Variants in ZNF687 observed in about 807,000 individuals in gnomAD.
The protein encoded by ZNF687 is zinc finger protein 687.
In ZNF687, 13 loss-of-function variants were observed where a neutral mutation model predicts 71.8. That is an observed-to-expected ratio of 0.18 (90% CI 0.12 to 0.29). The LOEUF (loss-of-function observed/expected upper bound fraction) is 0.29. Ranked by LOEUF, ZNF687 falls within the 10% of genes least tolerant of loss-of-function variation. The pLI is 1.00. For missense variants in ZNF687, 1,412 were observed against 1,625.6 expected (o/e 0.87, Z 2.26); for synonymous variants, 673 against 641.6 (o/e 1.05, Z -0.74).
Position 151,287,414 on chromosome 1 carries a change from C to G in ZNF687, c.1123C>G (p.Pro375Ala). 2 of 1,614,186 alleles carry G rather than the reference C, an allele frequency of 1.2e-6. No homozygotes were observed. Among genetic ancestry groups the G allele is most frequent in the Non-Finnish European group, 1.7e-6 (2 of 1,180,048 alleles). The change falls in exon 2 of 9, where the codon CCT (proline) becomes GCT (alanine). Residue 375 changes from proline (P) to alanine (A), a missense_variant. Physicochemically the swap from Pro to Ala is conservative, Grantham distance 27 (BLOSUM62 -1). This residue lies in a region of ZNF687 where 490 missense variants were observed against 489.9 expected (regional missense o/e 1.00). Transcript: ENST00000336715. This position sits in a 1 kb window ranked among gnomAD's most constrained non-coding sequence, Gnocchi z 5.0. ...LAEASLLKLS[P>A]ATPTSEGPKV... is the part of the protein sequence containing the mutation. ...TGAGGCTAGCCTCTTGAAGCTGTCC[C>G]CTGCAACACCTACTTCTGAGGGTCC...
At position 151,286,343 on chromosome 1, in the gene ZNF687, A is replaced by G. The variant is rs1204614716; in HGVS notation, c.52A>G (p.Ile18Val). The G allele has an allele frequency of 1.3e-6, 2 of 1,596,724 alleles. No homozygotes were observed. The change falls in exon 2 of 9, where the codon ATC (isoleucine) becomes GTC (valine). Residue 18 changes from isoleucine (I) to valine (V), a missense_variant. Coordinates refer to ENST00000336715, the MANE Select transcript of ZNF687 (RefSeq NM_020832.3). ...DFDDLLAAFD[I>V]PDIDANEAIH... Reference sequence around the variant, plus strand: ...TGATGACCTCCTTGCTGCCTTTGACATCCCTGACATTGATGCGAATGAAGC... The same window carrying G: ...TGATGACCTCCTTGCTGCCTTTGACGTCCCTGACATTGATGCGAATGAAGC...
upstream of ZNF687, chr1:151,281,567 C>T (rs1418816893): frequency 2.1e-6 from 1 of 471,246 alleles, no homozygotes; most frequent in South Asian, 1.5e-5. Context: ...TCCTTCCATG[C>T]TCCAAATCCC....
chr1:151,281,637 G>A (rs1557764177), upstream of ZNF687: 2 of 470,218 alleles, frequency 4.3e-6, no homozygotes, highest in Non-Finnish European at 8.8e-6. Flanking sequence ...TCGCCCAGGA[G>A]CTGAACCGCG....
intron 1 of ZNF687, chr1:151,283,161 A>G: frequency 1.0e-6 from 1 of 985,262 alleles, no homozygotes; most frequent in Non-Finnish European, 1.2e-6. Flanking sequence ...TCTCATGTGT[A>G]CACCCCGCCC....
In ZNF687 at chr1:151,289,127, T is replaced by G; in HGVS notation, c.2327T>G (p.Val776Gly). The change falls in exon 4 of 9, where the codon GTG becomes GGG. Residue 776 changes from valine (V) to glycine (G), a missense_variant. Coordinates refer to ENST00000336715, the MANE Select transcript of ZNF687 (RefSeq NM_020832.3). Reference protein sequence around the residue: ...CPSCSVVFGGVNSIKSHIQTS... With the variant: ...CPSCSVVFGGGNSIKSHIQTS... Reference sequence around the variant, plus strand: ...AGCTGTTCAGTGGTGTTTGGGGGTGTGAACTCCATCAAGTCCCACATCCAG... The same window carrying G: ...AGCTGTTCAGTGGTGTTTGGGGGTGGGAACTCCATCAAGTCCCACATCCAG... 6.2e-7 allele frequency: 1 copy of G among 1,614,174 alleles called. No homozygotes were observed. The highest frequency in any genetic ancestry group is 8.5e-7 in the Non-Finnish European group (1 of 1,180,026).
At position 151,286,387 on chromosome 1, in the gene ZNF687, A is replaced by G. The variant is rs1181388969; in HGVS notation, c.96A>G (p.Glu32=). Residue 32 remains glutamate (E), a synonymous_variant, in exon 2 of 9, where the codon GAA becomes GAG. Coordinates refer to ENST00000336715, the MANE Select transcript of ZNF687 (RefSeq NM_020832.3). ...ATGAAGCCATCCATTCTGGGCCAGAAGAAAATGAGGGGCCTGGAGGCCCAG... is the reference window on the plus strand; with the variant it reads ...ATGAAGCCATCCATTCTGGGCCAGAGGAAAATGAGGGGCCTGGAGGCCCAG... ...DANEAIHSGP[E]ENEGPGGPGK... 3.7e-6 allele frequency: 6 copies of G among 1,612,628 alleles called. No homozygotes were observed. Among genetic ancestry groups the G allele is most frequent in the Non-Finnish European group, 5.1e-6 (6 of 1,179,678 alleles).
upstream of ZNF687, chr1:151,281,950 G>T: frequency 1.3e-5 from 15 of 1,137,214 alleles, no homozygotes; most frequent in Non-Finnish European, 1.7e-5. Context: ...AGACGCACCT[G>T]GGTGCTCCCC....
Position 151,286,882 on chromosome 1 carries a change from T to C in ZNF687, c.591T>C (p.Ser197=). The change falls in exon 2 of 9, where the codon TCT becomes TCC. Residue 197 remains serine, a synonymous_variant. Coordinates refer to ENST00000336715, the MANE Select transcript of ZNF687 (RefSeq NM_020832.3). The part of the protein sequence containing the change: ...EGALTPPPFP[S]SFELAQENGP... Reference sequence around the variant, plus strand: ...CTCTGACCCCGCCTCCTTTCCCCTCTTCCTTTGAGCTGGCCCAGGAGAATG... The same window carrying C: ...CTCTGACCCCGCCTCCTTTCCCCTCCTCCTTTGAGCTGGCCCAGGAGAATG... 6.2e-7 allele frequency: 1 copy of C among 1,613,268 alleles called. No individual in the cohort carries two copies. The highest frequency in any genetic ancestry group is 8.5e-7 in the Non-Finnish European group (1 of 1,179,498).
chr1:151,282,473 C>T, intron 1 of ZNF687, 78 bp downstream of exon 1: 2 of 951,908 alleles, frequency 2.1e-6, no homozygotes, highest in Non-Finnish European at 2.5e-6. Flanking sequence ...CGCCCCTCCC[C>T]CACTTGGTCA....
intron 1 of ZNF687, among the ~76,000 whole-genome samples, chr1:151,283,540 A>C (rs1693817334): frequency 6.6e-6 from 1 of 151,380 alleles, no homozygotes; most frequent in South Asian, 2.1e-4. Flanking sequence ...CCTCTAAGTC[A>C]CTGGGGCACC....
At position 151,286,404 on chromosome 1, in the gene ZNF687, G is replaced by A; in HGVS notation, c.113G>A (p.Gly38Glu). 1 of 1,613,352 alleles carries A rather than the reference G, an allele frequency of 6.2e-7. No homozygotes were observed. The highest frequency in any genetic ancestry group is 2.2e-5 in the East Asian group (1 of 44,878). ...GGGCCAGAAGAAAATGAGGGGCCTG[G>A]AGGCCCAGGGAAGCCAGAACCAGGT... ...HSGPEENEGP[G>E]GPGKPEPGVG... The change falls in exon 2 of 9, where the codon GGA becomes GAA. Residue 38 changes from glycine (G) to glutamate (E), a missense_variant. Coordinates refer to ENST00000336715, the MANE Select transcript of ZNF687 (RefSeq NM_020832.3).
In ZNF687 at chr1:151,291,119, C is replaced by T. The variant is rs1259836315; in HGVS notation, c.3624C>T (p.Ser1208=). ...TGACCTGTAAGGTCTGTGGCAAGAG[C>T]TGCGACAGCCCTCTAAACCTCAAGA... ...GPLTCKVCGK[S]CDSPLNLKTH... Residue 1208 remains serine (S), a synonymous_variant, in exon 9 of 9, where the codon AGC becomes AGT. Coordinates refer to ENST00000336715, the MANE Select transcript of ZNF687 (RefSeq NM_020832.3). The T allele has an allele frequency of 6.2e-7, 1 of 1,613,414 alleles. No individual in the cohort carries two copies. Among genetic ancestry groups the T allele is most frequent in the South Asian group, 1.1e-5 (1 of 91,086 alleles).
Position 151,291,323 on chromosome 1 carries a change from G to T in ZNF687, c.*114G>T. ...TAACATTAATATTTTGTTAATTCCT[G>T]TCTCTCCAACCTGAAGAAGAAGAGC... On this transcript the variant is annotated 3_prime_UTR_variant, in exon 9 of 9. Transcript: ENST00000336715. 16 of 1,311,120 alleles carry T rather than the reference G, an allele frequency of 1.2e-5. No homozygotes were observed. Among genetic ancestry groups the T allele is most frequent in the Non-Finnish European group, 1.6e-5 (16 of 977,260 alleles). 81.2% of individuals were successfully genotyped at this position (1,311,120 alleles called of 1,614,324 possible).
chr1:151,284,177 A>AT, intron 1 of ZNF687: 2 of 985,244 alleles, frequency 2.0e-6, no homozygotes, highest in Non-Finnish European at 2.4e-6. Context: ...AGGGGATGGA[A>AT]TGGGGTGAGG....
In ZNF687 at chr1:151,287,404, G is replaced by T. The variant is rs756799143; in HGVS notation, c.1113G>T (p.Leu371Phe). Residue 371 changes from leucine to phenylalanine, a missense_variant, in exon 2 of 9, where the codon TTG becomes TTT. By Grantham distance (22) the Leu-to-Phe change is conservative. This residue lies in a region of ZNF687 where 490 missense variants were observed against 489.9 expected (regional missense o/e 1.00). Transcript: ENST00000336715. The surrounding 1 kb of genome is among the most constrained non-coding windows in gnomAD (Gnocchi z 5.0). ...EGAFLAEASLLKLSPATPTSE... is the reference protein window; with the variant it reads ...EGAFLAEASLFKLSPATPTSE... ...CCTTCTTGGCTGAGGCTAGCCTCTT[G>T]AAGCTGTCCCCTGCAACACCTACTT... 1 of 1,614,048 alleles carries T rather than the reference G, an allele frequency of 6.2e-7. No individual in the cohort carries two copies. The highest frequency in any genetic ancestry group is 8.5e-7 in the Non-Finnish European group (1 of 1,180,056).
Position 151,287,387 on chromosome 1 carries a change from G to A in ZNF687, c.1096G>A (p.Ala366Thr), listed in dbSNP as rs753322897. The change falls in exon 2 of 9, where the codon GCT becomes ACT. Residue 366 changes from alanine to threonine, a missense_variant. Ala to Thr is a moderately conservative substitution (Grantham distance 58). Coordinates refer to ENST00000336715, the MANE Select transcript of ZNF687 (RefSeq NM_020832.3). The surrounding 1 kb of genome is among the most constrained non-coding windows in gnomAD (Gnocchi z 5.0). Reference sequence around the variant, plus strand: ...CCCCTTGGCTGAGGGGGCCTTCTTGGCTGAGGCTAGCCTCTTGAAGCTGTC... The same window carrying A: ...CCCCTTGGCTGAGGGGGCCTTCTTGACTGAGGCTAGCCTCTTGAAGCTGTC... ...PAPLAEGAFLAEASLLKLSPA... is the reference protein window; with the variant it reads ...PAPLAEGAFLTEASLLKLSPA... The A allele has an allele frequency of 6.2e-7, 1 of 1,614,148 alleles. No homozygotes were observed. The highest frequency in any genetic ancestry group is 8.5e-7 in the Non-Finnish European group (1 of 1,180,026).
chr1:151,286,810 C>G lies in ZNF687; in HGVS notation c.519C>G (p.His173Gln), dbSNP rs1194300842. The G allele has an allele frequency of 1.9e-6, 3 of 1,614,228 alleles. No individual in the cohort carries two copies. Among genetic ancestry groups the G allele is most frequent in the Non-Finnish European group, 2.5e-6 (3 of 1,180,040 alleles). Residue 173 changes from histidine (H) to glutamine (Q), a missense_variant, in exon 2 of 9, where the codon CAC becomes CAG. This residue lies in a region of ZNF687 where 490 missense variants were observed against 489.9 expected (regional missense o/e 1.00). Coordinates refer to ENST00000336715, the MANE Select transcript of ZNF687 (RefSeq NM_020832.3). ...FAHFGPEPGD[H>Q]SDPLPPSAPS... ...ATTTTGGCCCTGAGCCAGGGGACCA[C>G]TCAGATCCGCTGCCTCCCTCTGCAC...
Position 151,291,190 on chromosome 1 carries a change from G to A in ZNF687, c.3695G>A (p.Gly1232Glu), listed in dbSNP as rs1353066432. Reference sequence around the variant, plus strand: ...ATGGCGTTCATCAGGGCTCGGCAGGGGGCTGTTGGGGACAACTAGTCTCCA... The same window carrying A: ...ATGGCGTTCATCAGGGCTCGGCAGGAGGCTGTTGGGGACAACTAGTCTCCA... ...HGMAFIRARQGAVGDN is the reference protein window; with the variant it reads ...HGMAFIRARQEAVGDN The change falls in exon 9 of 9, where the codon GGG becomes GAG. Residue 1232 changes from glycine to glutamate, a missense_variant. Gly to Glu is a moderately conservative substitution (Grantham distance 98, BLOSUM62 -2). Transcript: ENST00000336715. The A allele has an allele frequency of 6.2e-7, 1 of 1,611,006 alleles. No homozygotes were observed.
At chr1:151,284,072 A>T (rs1430064293) in intron 1 of ZNF687, 2 of 985,278 alleles carry the variant, frequency 2.0e-6, no homozygotes, top group Non-Finnish European at 2.4e-6. Flanking sequence ...TGGGATTTTT[A>T]ATTTTATTTT....
Sources: allele counts gnomAD v4.1 joint callset (sites outside exome capture counted in the v4.1 genomes callset), GRCh38; gene constraint gnomAD v4.1.1; regional missense constraint gnomAD v4.1.1; non-coding constraint Gnocchi (gnomAD v3.1); transcripts MANE v1.5; gene names NCBI Gene and HGNC (gene_info 2026-07-23, HGNC 2026-07-21).